Variants in SHLD1 observed in about 807,000 individuals in gnomAD.
SHLD1 encodes shieldin complex subunit 1.
A neutral mutation model predicts 5.5 loss-of-function variants in SHLD1; 3 were observed. The ratio of observed to expected loss-of-function variants is 0.54; its 90% CI spans 0.25 to 1.40. The LOEUF is 1.40. Among genes scored for constraint, SHLD1 ranks in the 40% most tolerant of loss-of-function variants. SHLD1 has a pLI of 0.15. For missense variants in SHLD1, 210 were observed against 244.4 expected, an observed-to-expected ratio of 0.86 and a Z score of 0.94; for synonymous variants, 92 against 94.3, an observed-to-expected ratio of 0.98 and a Z score of 0.14.
At chr20:5,784,669 C>T (rs374231148) in intron 2 of SHLD1, among the ~76,000 whole-genome samples, 1 of 152,042 alleles carries the variant, frequency 6.6e-6, no homozygotes, top group Non-Finnish European at 1.5e-5. Context: ...CCAGGTTGGT[C>T]TCGATCGCCT....
At chr20:5,850,952 C>G (rs1205989022) in intron 2 of SHLD1, among the ~76,000 whole-genome samples, 1 of 152,218 alleles carries the variant, frequency 6.6e-6, no homozygotes, top group African/African-American at 2.4e-5. Context: ...AAGTGGGCCA[C>G]TTTGGAAGGC....
chr20:5,834,890 AG>A (rs1298921305), intron 2 of SHLD1, among the ~76,000 whole-genome samples: 1 of 152,140 alleles, frequency 6.6e-6, no homozygotes, highest in Admixed American at 6.5e-5. Context: ...TGGAAGGGGC[AG>A]GGGGGCTTTC....
intron 2 of SHLD1, among the ~76,000 whole-genome samples, chr20:5,802,866 G>A (rs2087314490): frequency 6.6e-6 from 1 of 152,134 alleles, no homozygotes; most frequent in Non-Finnish European, 1.5e-5. Flanking sequence ...ACTGGCGTGA[G>A]CCACTGTGCC....
At chr20:5,850,159 GAC>G (rs2087990068) in intron 2 of SHLD1, among the ~76,000 whole-genome samples, 1 of 115,950 alleles carries the variant, frequency 8.6e-6, no homozygotes, top group Non-Finnish European at 2.0e-5. Context: ...AATTAACTGA[GAC>G]AACAGGCCTA....
chr20:5,790,167 T>G (rs1340696816), intron 2 of SHLD1, among the ~76,000 whole-genome samples: 1 of 152,152 alleles, frequency 6.6e-6, no homozygotes, highest in Non-Finnish European at 1.5e-5. Context: ...TGGGGGGCAC[T>G]GGCAGAGGGG....
At chr20:5,844,613 A>G (rs191269747) in intron 2 of SHLD1, among the ~76,000 whole-genome samples, 35 of 152,068 alleles carry the variant, frequency 2.3e-4, no homozygotes, top group African/African-American at 8.2e-4. Flanking sequence ...CTGCTGTGAG[A>G]TGGGTAATGT....
chr20:5,830,985 C>A (rs139222301), intron 2 of SHLD1, among the ~76,000 whole-genome samples: 7 of 151,940 alleles, frequency 4.6e-5, no homozygotes, highest in African/African-American at 1.4e-4. Flanking sequence ...CTTTGATATA[C>A]GCACGTTATA....
At chr20:5,794,638 A>G (rs1405019873) in intron 2 of SHLD1, among the ~76,000 whole-genome samples, 1 of 152,206 alleles carries the variant, frequency 6.6e-6, no homozygotes, top group African/African-American at 2.4e-5. Flanking sequence ...TCTTATTTGC[A>G]AAGTGCTTTG....
intron 2 of SHLD1, among the ~76,000 whole-genome samples, chr20:5,787,736 G>A (rs551580518): frequency 2.0e-4 from 31 of 152,288 alleles, no homozygotes; most frequent in African/African-American, 7.0e-4. Context: ...AGTGAAACTT[G>A]ATAAGGTTTA....
intron 2 of SHLD1, 64 bp from the exon 3 acceptor site, chr20:5,862,960 C>T: frequency 7.1e-7 from 1 of 1,414,320 alleles, no homozygotes; most frequent in South Asian, 1.4e-5. Flanking sequence ...ATCATCTGCT[C>T]TTGGCTTGCT....
At chr20:5,796,467 CTT>C (rs1034348321) in intron 2 of SHLD1, among the ~76,000 whole-genome samples, 3 of 151,940 alleles carry the variant, frequency 2.0e-5, no homozygotes, top group Non-Finnish European at 4.4e-5. Flanking sequence ...TGCTTTATCT[CTT>C]TTTTAAAACC....
intron 1 of SHLD1, chr20:5,772,259 T>G: frequency 2.4e-6 from 1 of 424,750 alleles, no homozygotes; most frequent in Admixed American, 2.6e-5. Context: ...CTCTTGTGTT[T>G]TGGGGCCATT....
chr20:5,850,104 C>T (rs896087327), intron 2 of SHLD1, among the ~76,000 whole-genome samples: 1 of 120,058 alleles, frequency 8.3e-6, no homozygotes, highest in Non-Finnish European at 1.8e-5. Flanking sequence ...CACAGCAAGA[C>T]CCCGTCTCAA....
At chr20:5,765,707 T>G (rs910826024) in intron 1 of SHLD1, among the ~76,000 whole-genome samples, 23 of 151,608 alleles carry the variant, frequency 1.5e-4, no homozygotes, top group African/African-American at 4.6e-4. Context: ...CCTCCACTTC[T>G]GGTTTTTTAC....
At position 5,758,612 on chromosome 20, in the gene SHLD1, G is replaced by A. The variant is rs991952456; in HGVS notation, c.-5+8133G>A. On this transcript the variant is annotated intron_variant, in intron 1 of 2. Transcript: ENST00000303142. ...TTTTGTATTTTTAGTAGAGATGGGG[G>A]GTTTCACCATGTTGGTCAGGCTGGT... 2.6e-5 allele frequency among the ~76,000 whole-genome samples: 4 copies of A among 151,768 alleles called. No individual in the cohort carries two copies. The South Asian group carries it at 6.2e-4, about 24-fold the overall frequency.
chr20:5,764,895 T>G (rs1568490589), intron 1 of SHLD1, among the ~76,000 whole-genome samples: 1 of 152,032 alleles, frequency 6.6e-6, no homozygotes, highest in Non-Finnish European at 1.5e-5. Context: ...AAATCACTTC[T>G]TATGTGTGCA....
At chr20:5,833,837 C>T (rs1303830311) in intron 2 of SHLD1, among the ~76,000 whole-genome samples, 1 of 152,030 alleles carries the variant, frequency 6.6e-6, no homozygotes, top group Non-Finnish European at 1.5e-5. Flanking sequence ...GAATAGTTGT[C>T]CAGAAAAGAG....
intron 1 of SHLD1, among the ~76,000 whole-genome samples, chr20:5,753,106 A>G (rs1022957012): frequency 2.0e-5 from 3 of 152,190 alleles, no homozygotes; most frequent in Admixed American, 1.3e-4. Context: ...GCCGACATAA[A>G]ATATTTTTAT....
chr20:5,779,778 A>G (rs1266770732), intron 2 of SHLD1, among the ~76,000 whole-genome samples: 1 of 152,052 alleles, frequency 6.6e-6, no homozygotes, highest in Non-Finnish European at 1.5e-5. Flanking sequence ...ACTGTTGGCT[A>G]CCTTCATGTA....
Sources: allele counts gnomAD v4.1 joint callset (sites outside exome capture counted in the v4.1 genomes callset), GRCh38; gene constraint gnomAD v4.1.1; transcripts MANE v1.5; gene names NCBI Gene and HGNC (gene_info 2026-07-23, HGNC 2026-07-21).